The following SLC39A12 variants were observed in gnomAD, a reference collection of about 807,000 sequenced individuals.
SLC39A12 encodes zinc transporter ZIP12.
SLC39A12 carries 63 observed loss-of-function variants against 71.1 expected under a neutral mutation model. The ratio of observed to expected loss-of-function variants is 0.89; its 90% CI spans 0.72 to 1.09. The LOEUF is 1.09. Among genes scored for constraint, SLC39A12 ranks in the 50% least tolerant of loss-of-function variants. The pLI, the probability that SLC39A12 is intolerant of heterozygous loss-of-function variation, is 0.00. For missense variants in SLC39A12, 892 were observed against 812.6 expected, an observed-to-expected ratio of 1.10 and a Z score of -1.19; for synonymous variants, 351 against 301.3, an observed-to-expected ratio of 1.16 and a Z score of -1.71.
At chr10:18,001,525 C>G (rs993018132) in intron 11 of SLC39A12, among the ~76,000 whole-genome samples, 11 of 151,970 alleles carry the variant, frequency 7.2e-5, no homozygotes, top group South Asian at 2.1e-4. Flanking sequence ...AAAAGAAAAA[C>G]AAAAACAAAA....
chr10:17,996,625 A>G (rs953661726), intron 10 of SLC39A12, among the ~76,000 whole-genome samples: 2 of 152,248 alleles, frequency 1.3e-5, no homozygotes, highest in African/African-American at 4.8e-5. Flanking sequence ...ATACAAATGA[A>G]GAAAATAGTT....
At chr10:18,036,790 A>ATTT (rs1464293480) in intron 12 of SLC39A12, among the ~76,000 whole-genome samples, 36 of 69,212 alleles carry the variant, frequency 5.2e-4, no homozygotes, top group South Asian at 1.8e-3. Context: ...ATATATATAT[A>ATTT]TATATTTTTT....
intron 12 of SLC39A12, among the ~76,000 whole-genome samples, chr10:18,012,885 A>G (rs866598144): frequency 5.0e-5 from 7 of 140,146 alleles, no homozygotes; most frequent in African/African-American, 1.3e-4. Context: ...AAAAAAAAAA[A>G]GGGCTTAAAT....
chr10:17,955,302 AC>A (rs781940430), intron 2 of SLC39A12, among the ~76,000 whole-genome samples: 4 of 151,876 alleles, frequency 2.6e-5, no homozygotes, highest in Non-Finnish European at 4.4e-5. Context: ...GACTTGAAAC[AC>A]CATCTTAAAT....
rs536916913 is a variant in SLC39A12 at position 17,967,316 on chromosome 10, A to T, written c.751+1626A>T. On this transcript the variant is annotated intron_variant, in intron 4 of 12. Transcript: ENST00000377369. ...TACCTTCCATTAGGAAGCATGTAACACCTAGTCATCTCTTTTTCAGAAGTT... is the reference window on the plus strand; with the variant it reads ...TACCTTCCATTAGGAAGCATGTAACTCCTAGTCATCTCTTTTTCAGAAGTT... 1.2e-4 allele frequency among the ~76,000 whole-genome samples: 18 copies of T among 152,320 alleles called. No individual in the cohort carries two copies. In the South Asian group the frequency reaches 3.7e-3, roughly 32 times the overall value.
chr10:18,040,317 C>T (rs942638220), intron 12 of SLC39A12, among the ~76,000 whole-genome samples: 1 of 152,142 alleles, frequency 6.6e-6, no homozygotes, highest in African/African-American at 2.4e-5. Flanking sequence ...CCCAGGAGAG[C>T]AGTTCTGGAT....
At chr10:17,999,582 A>G (rs1240779786) in intron 10 of SLC39A12, among the ~76,000 whole-genome samples, 1 of 152,210 alleles carries the variant, frequency 6.6e-6, no homozygotes, top group African/African-American at 2.4e-5. Context: ...AGTTCTGTCC[A>G]TTAAAAAGCT....
intron 12 of SLC39A12, among the ~76,000 whole-genome samples, chr10:18,036,777 TATATATATATA>T (rs1216470864): frequency 0.043 from 795 of 18,698 alleles, 47 homozygotes; most frequent in Non-Finnish European, 0.052. Context: ...TATATATATA[TATATATATATA>T]TATATATTTT....
intron 10 of SLC39A12, 84 bp downstream of exon 10, chr10:17,995,806 A>G (rs1835669341): frequency 8.3e-7 from 1 of 1,206,050 alleles, no homozygotes; most frequent in Non-Finnish European, 1.2e-6. Context: ...TCAAAACTAT[A>G]TAGATATCAT....
chr10:17,977,989 ACATAATAACC>A lies in SLC39A12; in HGVS notation c.843_852del (p.Ile281MetfsTer53). On this transcript the variant is annotated frameshift_variant, in exon 5 of 13. Transcript: ENST00000377369. LOFTEE classifies it high-confidence loss of function. ...CATCAATTTCAAAGGAAACAAAACA[ACATAATAACC>A]CATGATCAGGACTATTCTAATTTCT... 1 of 1,612,076 alleles carries A rather than the reference ACATAATAACC, an allele frequency of 6.2e-7. No homozygotes were observed. The highest frequency in any genetic ancestry group is 8.5e-7 in the Non-Finnish European group (1 of 1,179,116).
At chr10:17,978,746 CAAT>C (rs1835179882) in intron 5 of SLC39A12, among the ~76,000 whole-genome samples, 1 of 152,164 alleles carries the variant, frequency 6.6e-6, no homozygotes, top group Non-Finnish European at 1.5e-5. Context: ...ACCTCTTCTC[CAAT>C]AATTCTTCTC....
chr10:17,998,888 C>T (rs1835755414), intron 10 of SLC39A12, among the ~76,000 whole-genome samples: 1 of 152,184 alleles, frequency 6.6e-6, no homozygotes. Context: ...GGCCATGTAA[C>T]AGTTCGAAAC....
rs775125998 is a variant in SLC39A12 at position 17,965,512 on chromosome 10, A to G, written c.573A>G (p.Lys191=). 48 of 1,614,164 alleles carry G rather than the reference A, an allele frequency of 3.0e-5. No individual in the cohort carries two copies. The South Asian group carries it at 5.3e-4, about 18-fold the overall frequency. ...TGGAAACCAAAACGCTGCAGAAAAA[A>G]TCTGGAATAGTGAGCAGTGAAGGTG... is the stretch of plus-strand genomic sequence containing the variant. ...QCMETKTLQK[K]SGIVSSEGAN... The change falls in exon 4 of 13, where the codon AAA becomes AAG. Residue 191 remains lysine (K), a synonymous_variant. Coordinates refer to ENST00000377369, the MANE Select transcript of SLC39A12 (RefSeq NM_001145195.2).
intron 12 of SLC39A12, among the ~76,000 whole-genome samples, chr10:18,029,538 G>C (rs997935819): frequency 2.6e-5 from 4 of 152,188 alleles, no homozygotes; most frequent in African/African-American, 9.7e-5. Flanking sequence ...GTTTCTGGCA[G>C]AAATCTAAAG....
chr10:18,009,025 TTAAC>T (rs1297070726), intron 12 of SLC39A12, among the ~76,000 whole-genome samples: 5 of 152,210 alleles, frequency 3.3e-5, no homozygotes, highest in African/African-American at 1.2e-4. Context: ...GACTTTATTT[TTAAC>T]TAATATAATT....
chr10:18,013,129 T>C (rs1836276296), intron 12 of SLC39A12, among the ~76,000 whole-genome samples: 1 of 151,224 alleles, frequency 6.6e-6, no homozygotes, highest in Non-Finnish European at 1.5e-5. Context: ...ATAATCTTTA[T>C]ATTATAATAA....
chr10:17,974,674 G>C (rs1835060751), intron 4 of SLC39A12, among the ~76,000 whole-genome samples: 1 of 152,126 alleles, frequency 6.6e-6, no homozygotes, highest in African/African-American at 2.4e-5. Context: ...ACTGACACAA[G>C]CACCACTGTG....
intron 5 of SLC39A12, 105 bp downstream of exon 5, chr10:17,978,179 A>T (rs760253715): frequency 7.7e-6 from 7 of 914,204 alleles, no homozygotes; most frequent in Non-Finnish European, 1.1e-5. Flanking sequence ...ATTGTGTATT[A>T]TCTTGAAAAG....
chr10:17,965,358 T>A, intron 3 of SLC39A12, 125 bp from the exon 4 acceptor site: 1 of 771,754 alleles, frequency 1.3e-6, no homozygotes, highest in South Asian at 1.8e-5. Context: ...GTCATATTCC[T>A]CAAATGATTC....
Sources: allele counts gnomAD v4.1 joint callset (sites outside exome capture counted in the v4.1 genomes callset), GRCh38; gene constraint gnomAD v4.1.1; transcripts MANE v1.5; gene names NCBI Gene and HGNC (gene_info 2026-07-23, HGNC 2026-07-21).